ZNF428: variants seen among roughly 807,000 people sequenced by gnomAD.
ZNF428 encodes zinc finger protein 428.
A neutral mutation model predicts 15.6 loss-of-function variants in ZNF428; 5 were observed. The observed-to-expected ratio is 0.32, with a 90% CI of 0.17 to 0.67. ZNF428 has a LOEUF of 0.67. Among genes scored for constraint, ZNF428 ranks in the 30% least tolerant of loss-of-function variants. ZNF428 has a pLI of 0.73. For missense variants in ZNF428, 237 were observed against 256.0 expected (o/e 0.93, Z 0.51); for synonymous variants, 97 against 102.2 (o/e 0.95, Z 0.31).
At chr19:43,609,556 A>T (rs1973274145) in intron 2 of ZNF428, among the ~76,000 whole-genome samples, 2 of 152,050 alleles carry the variant, frequency 1.3e-5, no homozygotes, top group Non-Finnish European at 2.9e-5. Flanking sequence ...TCTGGGCAAC[A>T]TGGTGAAACC....
In ZNF428 at chr19:43,607,985, C is replaced by G; in HGVS notation, c.199G>C (p.Val67Leu). 6.2e-7 allele frequency: 1 copy of G among 1,611,186 alleles called. No individual in the cohort carries two copies. Among genetic ancestry groups the G allele is most frequent in the Non-Finnish European group, 8.5e-7 (1 of 1,178,956 alleles). Residue 67 changes from valine to leucine, a missense_variant, in exon 3 of 3, where the codon GTG (valine) becomes CTG (leucine). Val to Leu is a conservative substitution (Grantham distance 32). Coordinates refer to ENST00000300811, the MANE Select transcript of ZNF428 (RefSeq NM_182498.4). The surrounding 1 kb of genome is among the most constrained non-coding windows in gnomAD (Gnocchi z 5.1). Reference sequence around the variant, plus strand: ...CGGCCCCCGCCAAGGCGCTGCTTCACCTTGTAGCCAGGATCATATTCAGGA... The same window carrying G: ...CGGCCCCCGCCAAGGCGCTGCTTCAGCTTGTAGCCAGGATCATATTCAGGA... ...DDPEYDPGYK[V>L]KQRLGGGRGG...
At chr19:43,616,457 T>C (rs1463079531) in intron 1 of ZNF428, among the ~76,000 whole-genome samples, 1 of 152,128 alleles carries the variant, frequency 6.6e-6, no homozygotes, top group Non-Finnish European at 1.5e-5. Flanking sequence ...GTACTCCCCA[T>C]AACTAGACTG....
In ZNF428 at chr19:43,619,549, G is replaced by A. The variant is rs1033087483; in HGVS notation, c.-131+9C>T. ...GCATGCCTCGCGCACCCCTGCCCGGGACACTCACCGGCGCCGGCGGCCCCC... is the reference window on the plus strand; with the variant it reads ...GCATGCCTCGCGCACCCCTGCCCGGAACACTCACCGGCGCCGGCGGCCCCC... On this transcript the variant is annotated intron_variant, in intron 1 of 2. Transcript: ENST00000300811. 1 of 152,310 alleles carries A rather than the reference G, an allele frequency of 6.6e-6. No individual in the cohort carries two copies. Among genetic ancestry groups the A allele is most frequent in the East Asian group, 1.9e-4 (1 of 5,200 alleles). The allele number at this position is 152,310 out of a possible 1,614,324, so 9.4% of individuals were successfully genotyped here.
chr19:43,612,688 A>T lies in ZNF428; in HGVS notation c.76+1541T>A. The T allele has an allele frequency of 6.4e-7, 1 of 1,551,470 alleles. No homozygotes were observed. Among genetic ancestry groups the T allele is most frequent in the South Asian group, 1.2e-5 (1 of 84,052 alleles). ...GGGAAAGGAGTGACAGCCAGCCTAGAAATCTGAGCAAGAAGAGTTACCGCC... is the reference window on the plus strand; with the variant it reads ...GGGAAAGGAGTGACAGCCAGCCTAGTAATCTGAGCAAGAAGAGTTACCGCC... On this transcript the variant is annotated intron_variant, in intron 2 of 2. Coordinates refer to ENST00000300811, the MANE Select transcript of ZNF428 (RefSeq NM_182498.4). This position sits in a 1 kb window ranked among gnomAD's most constrained non-coding sequence, Gnocchi z 4.2.
At chr19:43,611,544 T>C (rs569724140) in intron 2 of ZNF428, among the ~76,000 whole-genome samples, 2 of 152,290 alleles carry the variant, frequency 1.3e-5, no homozygotes, top group East Asian at 3.9e-4. Flanking sequence ...GGTCTTGAAC[T>C]CCTGACCTCA....
intron 1 of ZNF428, among the ~76,000 whole-genome samples, chr19:43,617,449 A>C (rs1973382817): frequency 6.6e-6 from 1 of 152,224 alleles, no homozygotes; most frequent in South Asian, 2.1e-4. Flanking sequence ...GCTGGGGACT[A>C]AAGAGAAAAG....
In ZNF428 at chr19:43,612,349, C is replaced by G. The variant is rs1293550502; in HGVS notation, c.76+1880G>C. On this transcript the variant is annotated intron_variant, in intron 2 of 2. Coordinates refer to ENST00000300811, the MANE Select transcript of ZNF428 (RefSeq NM_182498.4). This position sits in a 1 kb window ranked among gnomAD's most constrained non-coding sequence, Gnocchi z 4.2. ...CCAGTACAAAAAGAGCCCCTTCTAA[C>G]CGGCCCAGCAGCAGGTCCCGAGTCC... The G allele has an allele frequency of 6.4e-7, 1 of 1,551,732 alleles. No individual in the cohort carries two copies. The highest frequency in any genetic ancestry group is 8.7e-7 in the Non-Finnish European group (1 of 1,147,004).
At position 43,607,722 on chromosome 19, in the gene ZNF428, TTCCTCCTCCTCC is replaced by T; in HGVS notation, c.450_461del (p.Glu155_Glu158del). 6.2e-7 allele frequency: 1 copy of T among 1,613,148 alleles called. No individual in the cohort carries two copies. Among genetic ancestry groups the T allele is most frequent in the Non-Finnish European group, 8.5e-7 (1 of 1,179,466 alleles). On this transcript the variant is annotated inframe_deletion, in exon 3 of 3. Transcript: ENST00000300811. This position sits in a 1 kb window ranked among gnomAD's most constrained non-coding sequence, Gnocchi z 5.1. ...AGTGGTAGGTTCCCTCCTCCTCCTC[TTCCTCCTCCTCC>T]TCCCGCCCAGCTGGTCGGCCCTCCC...
chr19:43,607,889 A>G lies in ZNF428; in HGVS notation c.295T>C (p.Ser99Pro). 6.4e-7 allele frequency: 1 copy of G among 1,560,046 alleles called. No homozygotes were observed. The highest frequency in any genetic ancestry group is 2.4e-5 in the East Asian group (1 of 41,822). ...PAQPCQLCGR[S>P]PLGEAPPGTP... ...CCCGGTGGGGCCTCCCCAAGGGGTG[A>G]GCGGCCACAGAGCTGGCAAGGCTGG... The change falls in exon 3 of 3, where the codon TCA becomes CCA. Residue 99 changes from serine (S) to proline (P), a missense_variant. Physicochemically the swap from Ser to Pro is moderately conservative, Grantham distance 74 (BLOSUM62 -1). Coordinates refer to ENST00000300811, the MANE Select transcript of ZNF428 (RefSeq NM_182498.4). The surrounding 1 kb of genome is among the most constrained non-coding windows in gnomAD (Gnocchi z 5.1).
At chr19:43,614,131 G>A in intron 2 of ZNF428, 98 bp downstream of exon 2, 1 of 1,610,006 alleles carries the variant, frequency 6.2e-7, no homozygotes, top group Non-Finnish European at 8.5e-7. Flanking sequence ...CCCCTAGCAA[G>A]ACAAGCAGCC....
intron 2 of ZNF428, among the ~76,000 whole-genome samples, chr19:43,611,670 G>A (rs946410272): frequency 1.3e-5 from 2 of 152,104 alleles, no homozygotes; most frequent in African/African-American, 4.8e-5. Context: ...TTAAAGCCAA[G>A]CTCATGTCAC....
In ZNF428 at chr19:43,607,739, G is replaced by A. The variant is rs140962569; in HGVS notation, c.445C>T (p.Arg149Trp). The A allele has an allele frequency of 1.8e-5, 29 of 1,607,904 alleles. No homozygotes were observed. The highest frequency in any genetic ancestry group is 3.3e-4 in the Middle Eastern group (2 of 6,040). The change falls in exon 3 of 3, where the codon CGG (arginine) becomes TGG (tryptophan). Residue 149 changes from arginine to tryptophan, a missense_variant. Arg to Trp is a moderately radical substitution (Grantham distance 101). Coordinates refer to ENST00000300811, the MANE Select transcript of ZNF428 (RefSeq NM_182498.4). This position sits in a 1 kb window ranked among gnomAD's most constrained non-coding sequence, Gnocchi z 5.1. ...PRAGEGRPAGREEEEEEEEEG... is the reference protein window; with the variant it reads ...PRAGEGRPAGWEEEEEEEEEG... ...TCCTCCTCTTCCTCCTCCTCCTCCC[G>A]CCCAGCTGGTCGGCCCTCCCCAGCC...
At chr19:43,611,980 A>G in intron 2 of ZNF428, 1 of 668,314 alleles carries the variant, frequency 1.5e-6, no homozygotes. Flanking sequence ...CTGACTTCAT[A>G]CCACTCACCC....
In ZNF428 at chr19:43,608,032, T is replaced by A; in HGVS notation, c.152A>T (p.Glu51Val). The change falls in exon 3 of 3, where the codon GAG becomes GTG. Residue 51 changes from glutamate to valine, a missense_variant. Glu to Val is a moderately radical substitution (Grantham distance 121). Coordinates refer to ENST00000300811, the MANE Select transcript of ZNF428 (RefSeq NM_182498.4). ...DSEEEEDEEE[E>V]EEETTDDPEY... The stretch of plus-strand genomic sequence containing the variant: ...AGGATCGTCAGTGGTCTCCTCTTCC[T>A]CCTCCTCCTCATCTTCTTCCTCTTC... The A allele has an allele frequency of 6.2e-7, 1 of 1,613,752 alleles. No individual in the cohort carries two copies. Among genetic ancestry groups the A allele is most frequent in the Non-Finnish European group, 8.5e-7 (1 of 1,179,974 alleles).
chr19:43,611,891 G>C (rs1376804794), intron 2 of ZNF428: 2 of 582,676 alleles, frequency 3.4e-6, no homozygotes, highest in African/African-American at 3.7e-5. Context: ...AGCCTCAGAA[G>C]ACATCTGCTG....
chr19:43,613,778 G>A (rs200394923), intron 2 of ZNF428: 49 of 1,534,106 alleles, frequency 3.2e-5, no homozygotes, highest in African/African-American at 4.4e-5. Flanking sequence ...AAGCCCCAGC[G>A]AGGAGAGAGA....
At chr19:43,609,360 G>GAGAGAGAGAGAGAGAGAGAGAGAA (rs1555775017) in intron 2 of ZNF428, among the ~76,000 whole-genome samples, 6 of 123,284 alleles carry the variant, frequency 4.9e-5, no homozygotes, top group African/African-American at 1.1e-4. Flanking sequence ...TGTGGCCATG[G>GAGAGAGAGAGAGAGAGAGAGAGAA]AGAGAGAGAG....
chr19:43,613,003 T>TC, intron 2 of ZNF428: 1 of 1,551,408 alleles, frequency 6.4e-7, no homozygotes, highest in Non-Finnish European at 8.7e-7. Context: ...GAAGTGGCAG[T>TC]CAGAAGAGGA....
intron 1 of ZNF428, among the ~76,000 whole-genome samples, chr19:43,618,165 G>C (rs1407219238): frequency 6.6e-6 from 1 of 151,174 alleles, no homozygotes; most frequent in East Asian, 2.0e-4. Context: ...CTTCCGAGTA[G>C]CTGGGACTAC....
Sources: gnomAD v4.1 joint callset for allele counts (sites outside exome capture counted in the v4.1 genomes callset) on GRCh38, gnomAD v4.1.1 for gene constraint, Gnocchi (gnomAD v3.1) non-coding constraint, MANE v1.5 for transcripts, NCBI Gene and HGNC (gene_info 2026-07-23, HGNC 2026-07-21) for gene names.